The following TSNARE1 variants were observed in gnomAD, a reference collection of about 807,000 sequenced individuals.
The protein encoded by TSNARE1 is t-SNARE domain containing 1, also known as t-SNARE domain-containing protein 1.
Under a neutral mutation model 62.0 loss-of-function variants are expected in TSNARE1, and 49 were observed. The ratio of observed to expected loss-of-function variants is 0.79; its 90% CI spans 0.63 to 1.00. TSNARE1 has a LOEUF of 1.00. Ranked by LOEUF, TSNARE1 falls within the 50% of genes least tolerant of loss-of-function variation. TSNARE1 has a pLI of 0.00. For missense variants in TSNARE1, 755 were observed against 700.1 expected (o/e 1.08, Z -0.88); for synonymous variants, 328 against 294.4 (o/e 1.11, Z -1.17).
intron 11 of TSNARE1, chr8:142,275,870 G>A (rs1563806132): frequency 1.0e-6 from 1 of 985,400 alleles, no homozygotes; most frequent in Non-Finnish European, 1.2e-6. Flanking sequence ...CTGGCTCTGA[G>A]GGAGGAGGGT....
intron 1 of TSNARE1, among the ~76,000 whole-genome samples, chr8:142,364,120 G>A (rs1208476919): frequency 2.0e-5 from 3 of 152,230 alleles, no homozygotes; most frequent in Admixed American, 1.3e-4. Context: ...CCCCATGGCT[G>A]CAGTGCCTTC....
intron 1 of TSNARE1, among the ~76,000 whole-genome samples, chr8:142,385,011 A>G (rs1837016370): frequency 1.3e-5 from 2 of 152,232 alleles, no homozygotes. Flanking sequence ...TTTTAAAAGT[A>G]TCACACATGA....
intron 1 of TSNARE1, among the ~76,000 whole-genome samples, chr8:142,361,651 T>C (rs938215736): frequency 6.6e-6 from 1 of 152,144 alleles, no homozygotes; most frequent in Non-Finnish European, 1.5e-5. Context: ...GTGACCGAGG[T>C]GGAGCTGAAC....
At chr8:142,269,526 G>A in intron 12 of TSNARE1, 2 of 984,854 alleles carry the variant, frequency 2.0e-6, no homozygotes, top group Non-Finnish European at 2.4e-6. Context: ...GCAAGGTTTT[G>A]CTATGCTGTC....
At chr8:142,222,720 TCACTCACTCATC>T (rs1816432624) in intron 13 of TSNARE1, among the ~76,000 whole-genome samples, 2 of 125,740 alleles carry the variant, frequency 1.6e-5, no homozygotes, top group Admixed American at 7.8e-5. Flanking sequence ...ACTCATCCAC[TCACTCACTCATC>T]CACTCACTCA....
At chr8:142,393,219 T>C (rs1299277645) in intron 1 of TSNARE1, among the ~76,000 whole-genome samples, 1 of 152,056 alleles carries the variant, frequency 6.6e-6, no homozygotes, top group Non-Finnish European at 1.5e-5. Flanking sequence ...CGATGGCGAA[T>C]AGAAAAAGCC....
chr8:142,354,610 G>T, intron 2 of TSNARE1, 27 bp downstream of exon 2: 7 of 1,253,192 alleles, frequency 5.6e-6, no homozygotes, highest in Non-Finnish European at 6.9e-6. Flanking sequence ...CCTCCTCCCC[G>T]CCCCCACTTC....
rs183693935 is a variant in TSNARE1, at chr8:142,365,740, T to G, written c.-39-10977A>C. 1.0e-3 allele frequency among the ~76,000 whole-genome samples: 153 copies of G among 152,330 alleles called. 1 individual carries two copies. The highest frequency in any genetic ancestry group is 3.5e-3 in the African/African-American group (144 of 41,576). ...AAGTTTTCCTGTTAATCTGGCAACTTTTCTTTAAAACTAAAATTATGTCCA... is the reference window on the plus strand; with the variant it reads ...AAGTTTTCCTGTTAATCTGGCAACTGTTCTTTAAAACTAAAATTATGTCCA... On this transcript the variant is annotated intron_variant, in intron 1 of 13. Coordinates refer to ENST00000524325, the MANE Select transcript of TSNARE1 (RefSeq NM_145003.5).
In TSNARE1 at chr8:142,226,974, TGACAGC is replaced by T. The variant is rs879932781; in HGVS notation, c.*11+2493_*11+2498del. 3.5e-3 allele frequency among the ~76,000 whole-genome samples: 430 copies of T among 123,298 alleles called. 2 individuals carry two copies. Among genetic ancestry groups the T allele is most frequent in the Middle Eastern group, 8.4e-3 (2 of 238 alleles). The allele number at this position is 123,298 out of a possible 152,430, so 80.9% of individuals were successfully genotyped here. A position where few individuals can be genotyped will look rare whatever the true frequency, so the allele number is the denominator to read the frequency against. On this transcript the variant is annotated intron_variant, in intron 13 of 13. Coordinates refer to ENST00000524325, the MANE Select transcript of TSNARE1 (RefSeq NM_145003.5). ...GACCACCACTGCACCCACACGGCAGTGACAGCAAGGCCCCCCACTGCACCCACACAG... is the reference window on the plus strand; with the variant it reads ...GACCACCACTGCACCCACACGGCAGTAAGGCCCCCCACTGCACCCACACAG...
intron 9 of TSNARE1, among the ~76,000 whole-genome samples, chr8:142,310,289 C>A (rs1303706548): frequency 6.6e-6 from 1 of 152,164 alleles, no homozygotes; most frequent in Non-Finnish European, 1.5e-5. Context: ...TCTGATGATG[C>A]GAGGACGTCA....
intron 4 of TSNARE1, among the ~76,000 whole-genome samples, chr8:142,335,426 GC>G (rs1831618986): frequency 6.6e-6 from 1 of 152,186 alleles, no homozygotes; most frequent in East Asian, 1.9e-4. Flanking sequence ...TTCCTGTGTG[GC>G]CGATCCACCA....
intron 1 of TSNARE1, among the ~76,000 whole-genome samples, chr8:142,397,962 G>A (rs760047009): frequency 3.3e-5 from 5 of 151,958 alleles, no homozygotes; most frequent in East Asian, 1.9e-4. Context: ...CCTGGGCCCC[G>A]GGTTCCCTGC....
chr8:142,277,991 G>C (rs898762848), intron 11 of TSNARE1: 4 of 985,292 alleles, frequency 4.1e-6, no homozygotes, highest in South Asian at 4.7e-5. Flanking sequence ...ACCCTTGGCT[G>C]CAAGAATCTG....
intron 4 of TSNARE1, among the ~76,000 whole-genome samples, chr8:142,343,355 A>C (rs975888401): frequency 6.6e-6 from 1 of 151,992 alleles, no homozygotes; most frequent in African/African-American, 2.4e-5. Flanking sequence ...TTTTTCTTTC[A>C]TGAGTAGCAC....
intron 1 of TSNARE1, among the ~76,000 whole-genome samples, chr8:142,398,905 A>G (rs887628192): frequency 1.3e-5 from 2 of 152,182 alleles, no homozygotes; most frequent in African/African-American, 4.8e-5. Flanking sequence ...CCGGATTTGA[A>G]GCCCACACGG....
intron 1 of TSNARE1, among the ~76,000 whole-genome samples, chr8:142,373,986 C>T (rs911716003): frequency 2.0e-5 from 3 of 152,184 alleles, no homozygotes; most frequent in Non-Finnish European, 2.9e-5. Context: ...CTCCAGGAGG[C>T]GTCAGTGAGG....
chr8:142,268,181 A>C (rs537152851), intron 12 of TSNARE1, among the ~76,000 whole-genome samples: 1 of 152,102 alleles, frequency 6.6e-6, no homozygotes, highest in Non-Finnish European at 1.5e-5. Context: ...TGGATGATGG[A>C]GCTTCATGGA....
rs1181679874 is a variant in TSNARE1, at chr8:142,232,526, G to A, written c.1447-2947C>T. Among the ~76,000 whole-genome samples, 5 of 152,242 alleles carry A rather than the reference G, an allele frequency of 3.3e-5. No individual in the cohort carries two copies. The East Asian group carries it at 9.6e-4, about 29-fold the overall frequency. On this transcript the variant is annotated intron_variant, in intron 12 of 13. Transcript: ENST00000524325. ...CAAGGAAGCTGGAACCACAGAAACG[G>A]ACAGGCCAAAGGGGCGGACCCGGAT...
chr8:142,247,406 G>A (rs149238003), intron 12 of TSNARE1, among the ~76,000 whole-genome samples: 2 of 152,344 alleles, frequency 1.3e-5, no homozygotes, highest in East Asian at 3.9e-4. Flanking sequence ...CTTGGGACCA[G>A]TGACCCCTTT....
Sources: allele counts gnomAD v4.1 joint callset (sites outside exome capture counted in the v4.1 genomes callset), GRCh38; gene constraint gnomAD v4.1.1; transcripts MANE v1.5; gene names NCBI Gene and HGNC (gene_info 2026-07-23, HGNC 2026-07-21).